The following SLAMF1 variants were observed in gnomAD, a reference collection of about 807,000 sequenced individuals.
The protein encoded by SLAMF1 is signaling lymphocytic activation molecule.
In SLAMF1, 18 loss-of-function variants were observed where a neutral mutation model predicts 35.1. The ratio of observed to expected loss-of-function variants is 0.51; its 90% CI spans 0.35 to 0.76. SLAMF1 has a LOEUF of 0.76. SLAMF1 is among the 30% of genes least tolerant of loss of function. The probability of loss-of-function intolerance (pLI) is 0.01; values close to 1 mark genes in which losing one functional copy is unlikely to be tolerated. For missense variants in SLAMF1, 392 were observed against 413.0 expected (o/e 0.95, Z 0.44); for synonymous variants, 168 against 157.2 (o/e 1.07, Z -0.51).
rs56077637 is a variant in SLAMF1 at position 160,634,580 on chromosome 1, A to G, written c.700+33T>C. The G allele has an allele frequency of 3.1e-3, 4,803 of 1,559,696 alleles. 111 individuals carry two copies. The African/African-American group carries it at 0.057, about 19-fold the overall frequency. ...GTGAAGACTGAGCCCATGCTCATTA[A>G]GGTGGCACACAGGCTGCCACCAGTG... On this transcript the variant is annotated intron_variant, in intron 3 of 6. Transcript: ENST00000302035.
rs190616767 is a variant in SLAMF1, at chr1:160,619,329, T to C, written c.864+447A>G. On this transcript the variant is annotated intron_variant, in intron 5 of 6. Transcript: ENST00000302035. ...ATCTTTCATCTCTTTAACCACACTC[T>C]AGCTAGAATTTTGAAGATCCTACCT... Among the ~76,000 whole-genome samples the C allele has an allele frequency of 6.1e-3, 930 of 152,310 alleles. 5 individuals carry two copies. The highest frequency in any genetic ancestry group is 9.2e-3 in the Non-Finnish European group (624 of 68,024).
At position 160,637,269 on chromosome 1, in the gene SLAMF1, C is replaced by T; in HGVS notation, c.337G>A (p.Glu113Lys). 6.2e-7 allele frequency: 1 copy of T among 1,614,130 alleles called. No individual in the cohort carries two copies. The highest frequency in any genetic ancestry group is 8.5e-7 in the Non-Finnish European group (1 of 1,180,000). Reference protein sequence around the residue: ...LTLGIRESRKEDEGWYLMTLE... With the variant: ...LTLGIRESRKKDEGWYLMTLE... ...GTCATAAGGTACCATCCCTCATCCT[C>T]CTTCCTGCTTTCCCGTATCCCCAGG... The change falls in exon 2 of 7, where the codon GAG (glutamate) becomes AAG (lysine). Residue 113 changes from glutamate to lysine, a missense_variant. By Grantham distance (56) the Glu-to-Lys change is moderately conservative. Coordinates refer to ENST00000302035, the MANE Select transcript of SLAMF1 (RefSeq NM_003037.5).
At chr1:160,634,480 C>G (rs554458483) in intron 3 of SLAMF1, 133 bp downstream of exon 3, 10 of 1,405,926 alleles carry the variant, frequency 7.1e-6, no homozygotes, top group African/African-American at 1.4e-5. Context: ...ACATGGTAAA[C>G]TTTTGCAAAC....
rs1250788590 is a variant in SLAMF1 at position 160,646,897 on chromosome 1, G to T, written c.49C>A (p.Leu17Met). 1.2e-6 allele frequency: 2 copies of T among 1,608,270 alleles called. No homozygotes were observed. The highest frequency in any genetic ancestry group is 2.2e-5 in the South Asian group (2 of 90,854). The change falls in exon 1 of 7, where the codon CTG becomes ATG. Residue 17 changes from leucine (L) to methionine (M), a missense_variant. Physicochemically the swap from Leu to Met is conservative, Grantham distance 15. Transcript: ENST00000302035. ...GTTCCGTAGCTTGCCCCAAAAGCCA[G>T]GGAGAGAAACAGCACGAAGGTCAAG... ...LSLTFVLFLS[L>M]AFGASYGTGG...
chr1:160,624,473 A>T (rs183402868), intron 3 of SLAMF1, among the ~76,000 whole-genome samples: 6 of 152,308 alleles, frequency 3.9e-5, no homozygotes, highest in African/African-American at 1.2e-4. Context: ...ACATTAAATT[A>T]TCTTCATCTC....
At chr1:160,632,326 C>T (rs1660205729) in intron 3 of SLAMF1, among the ~76,000 whole-genome samples, 1 of 152,206 alleles carries the variant, frequency 6.6e-6, no homozygotes, top group Non-Finnish European at 1.5e-5. Flanking sequence ...GAGAGGGGAA[C>T]GGCTGGACAG....
At chr1:160,611,513 C>A (rs572647939) in intron 6 of SLAMF1, among the ~76,000 whole-genome samples, 1 of 152,148 alleles carries the variant, frequency 6.6e-6, no homozygotes, top group African/African-American at 2.4e-5. Context: ...AGTGTGTGTG[C>A]GGTAGGAGCT....
intron 3 of SLAMF1, 96 bp downstream of exon 3, chr1:160,634,517 C>T: frequency 7.0e-7 from 1 of 1,438,732 alleles, no homozygotes; most frequent in Non-Finnish European, 9.4e-7. Context: ...AGTATTGTTA[C>T]TAAGGTGAAT....
intron 5 of SLAMF1, among the ~76,000 whole-genome samples, chr1:160,613,208 G>T (rs1233418824): frequency 6.6e-6 from 1 of 152,038 alleles, no homozygotes; most frequent in East Asian, 1.9e-4. Context: ...TTCTTTTTTG[G>T]TCACTCAACT....
At chr1:160,611,202 A>G (rs1658965244) in intron 6 of SLAMF1, among the ~76,000 whole-genome samples, 1 of 152,046 alleles carries the variant, frequency 6.6e-6, no homozygotes, top group African/African-American at 2.4e-5. Context: ...CAAAGGGAGA[A>G]GAGAAAAGTG....
At position 160,637,381 on chromosome 1, in the gene SLAMF1, C is replaced by T. The variant is rs763037948; in HGVS notation, c.225G>A (p.Glu75=). The T allele has an allele frequency of 1.9e-6, 3 of 1,614,046 alleles. No homozygotes were observed. The highest frequency in any genetic ancestry group is 2.2e-5 in the South Asian group (2 of 91,080). ...TMAKSLENSV[E]NKIVSLDPSE... ...ATGGATCAAGAGACACTATTTTGTT[C>T]TCGACACTGTTCTCCAGTGATTTTG... Residue 75 remains glutamate (E), a synonymous_variant, in exon 2 of 7, where the codon GAG becomes GAA. Transcript: ENST00000302035.
chr1:160,619,179 C>T (rs1256390097), intron 5 of SLAMF1, among the ~76,000 whole-genome samples: 3 of 152,158 alleles, frequency 2.0e-5, no homozygotes, highest in Admixed American at 1.3e-4. Flanking sequence ...AACCACGATC[C>T]TTTTAGCGTC....
intron 3 of SLAMF1, among the ~76,000 whole-genome samples, chr1:160,625,152 G>C (rs1659811933): frequency 6.6e-6 from 1 of 152,184 alleles, no homozygotes; most frequent in South Asian, 2.1e-4. Flanking sequence ...GAGAGTTAGA[G>C]AGACTTATGG....
intron 3 of SLAMF1, among the ~76,000 whole-genome samples, chr1:160,625,831 G>GTA (rs1364987691): frequency 1.6e-5 from 2 of 123,754 alleles, no homozygotes; most frequent in African/African-American, 3.6e-5. Flanking sequence ...AGGAGTGTGT[G>GTA]TGTGTGTGTG....
chr1:160,610,916 G>A lies in SLAMF1; in HGVS notation c.958-118C>T, dbSNP rs980315420. On this transcript the variant is annotated intron_variant, in intron 6 of 6. Transcript: ENST00000302035. The stretch of plus-strand genomic sequence containing the variant: ...GTCTTAGAGATCATGGCTTGTGCAG[G>A]GTCTGTCACAGACAGGGCCTTGCTG... 4 of 820,006 alleles carry A rather than the reference G, an allele frequency of 4.9e-6. No individual in the cohort carries two copies. The East Asian group carries it at 9.9e-5, about 20-fold the overall frequency. 50.8% of individuals were successfully genotyped at this position (820,006 alleles called of 1,614,324 possible).
In SLAMF1 at chr1:160,608,868, C is replaced by A. The variant is rs1231962723; in HGVS notation, c.*1880G>T. ...GTGAGGCTTTTTTGTCTGCCTACCA[C>A]CTGAATCCCACTTCTATTATTTGTA... On this transcript the variant is annotated 3_prime_UTR_variant, in exon 7 of 7. Coordinates refer to ENST00000302035, the MANE Select transcript of SLAMF1 (RefSeq NM_003037.5). The A allele has an allele frequency of 6.6e-6, 1 of 152,152 alleles. No individual in the cohort carries two copies. The highest frequency in any genetic ancestry group is 1.9e-4 in the East Asian group (1 of 5,200). 9.4% of individuals were successfully genotyped at this position (152,152 alleles called of 1,614,324 possible). A position where few individuals can be genotyped will look rare whatever the true frequency, so the allele number is the denominator to read the frequency against.
At chr1:160,635,543 C>A (rs1660402802) in intron 2 of SLAMF1, among the ~76,000 whole-genome samples, 1 of 151,648 alleles carries the variant, frequency 6.6e-6, no homozygotes, top group African/African-American at 2.4e-5. Flanking sequence ...ATAGGACAAG[C>A]ACAGTGCTGG....
At position 160,629,078 on chromosome 1, in the gene SLAMF1, C is replaced by T. The variant is rs558310206; in HGVS notation, c.701-4893G>A. On this transcript the variant is annotated intron_variant, in intron 3 of 6. Coordinates refer to ENST00000302035, the MANE Select transcript of SLAMF1 (RefSeq NM_003037.5). ...ACATTTCTGAACCAGAGGTTTGGAACTCCCCCTACTCCCGAGGCTCTTAGA... is the reference window on the plus strand; with the variant it reads ...ACATTTCTGAACCAGAGGTTTGGAATTCCCCCTACTCCCGAGGCTCTTAGA... Among the ~76,000 whole-genome samples, 7 of 152,328 alleles carry T rather than the reference C, an allele frequency of 4.6e-5. No homozygotes were observed. The East Asian group carries it at 1.3e-3, about 29-fold the overall frequency.
Position 160,611,109 on chromosome 1 carries a change from T to A in SLAMF1, c.958-311A>T, listed in dbSNP as rs1570958882. On this transcript the variant is annotated intron_variant, in intron 6 of 6. Coordinates refer to ENST00000302035, the MANE Select transcript of SLAMF1 (RefSeq NM_003037.5). ...CCATCCCCTTGTAAGGAAAACCATT[T>A]GTTTTGCTGTTACATATGGGTCACA... is the stretch of plus-strand genomic sequence containing the variant. Among the ~76,000 whole-genome samples, 3 of 152,220 alleles carry A rather than the reference T, an allele frequency of 2.0e-5. No homozygotes were observed. In the East Asian group the frequency reaches 5.8e-4, roughly 29 times the overall value.
Sources: gnomAD v4.1 joint callset for allele counts (sites outside exome capture counted in the v4.1 genomes callset) on GRCh38, gnomAD v4.1.1 for gene constraint, MANE v1.5 for transcripts, NCBI Gene and HGNC (gene_info 2026-07-23, HGNC 2026-07-21) for gene names.